Variants in NALF1 observed in about 807,000 individuals in gnomAD.
NALF1 encodes NALCN channel auxiliary factor 1.
A neutral mutation model predicts 48.4 loss-of-function variants in NALF1; 3 were observed. The observed-to-expected ratio is 0.06, with a 90% CI of 0.03 to 0.16. The LOEUF (loss-of-function observed/expected upper bound fraction) is 0.16. NALF1 is among the 10% of genes least tolerant of loss of function. NALF1 has a pLI of 1.00. For missense variants in NALF1, 526 were observed against 571.5 expected, an observed-to-expected ratio of 0.92 and a Z score of 0.81; for synonymous variants, 262 against 245.7, an observed-to-expected ratio of 1.07 and a Z score of -0.62.
intron 1 of NALF1, among the ~76,000 whole-genome samples, chr13:107,231,439 C>T (rs556535207): frequency 2.0e-5 from 3 of 152,128 alleles, no homozygotes; most frequent in East Asian, 1.9e-4. Context: ...TGGTATATTT[C>T]CCCCAACCCG....
chr13:107,697,255 T>C (rs1318069179), intron 1 of NALF1, among the ~76,000 whole-genome samples: 1 of 152,092 alleles, frequency 6.6e-6, no homozygotes, highest in Non-Finnish European at 1.5e-5. Context: ...AGGACACATA[T>C]GTATAAAAGA....
intron 1 of NALF1, among the ~76,000 whole-genome samples, chr13:107,438,168 G>A (rs1189952416): frequency 6.6e-6 from 1 of 152,034 alleles, no homozygotes; most frequent in Non-Finnish European, 1.5e-5. Flanking sequence ...GAGAATTCTA[G>A]AAATACTCAC....
chr13:107,637,424 C>A (rs1326251582), intron 1 of NALF1, among the ~76,000 whole-genome samples: 1 of 152,108 alleles, frequency 6.6e-6, no homozygotes, highest in Non-Finnish European at 1.5e-5. Context: ...AAGGTACTTC[C>A]TTCCAAAAAG....
At chr13:107,768,677 A>G (rs1464012486) in intron 1 of NALF1, among the ~76,000 whole-genome samples, 1 of 152,220 alleles carries the variant, frequency 6.6e-6, no homozygotes, top group African/African-American at 2.4e-5. Context: ...TAATACTACC[A>G]ATAACATTAA....
At chr13:107,198,630 G>A (rs1879443166) in intron 2 of NALF1, among the ~76,000 whole-genome samples, 1 of 152,140 alleles carries the variant, frequency 6.6e-6, no homozygotes, top group African/African-American at 2.4e-5. Flanking sequence ...AAACTTAAAG[G>A]CATTGCTCAG....
intron 1 of NALF1, among the ~76,000 whole-genome samples, chr13:107,650,492 A>G (rs560298836): frequency 3.9e-5 from 6 of 152,108 alleles, no homozygotes; most frequent in African/African-American, 1.4e-4. Context: ...AGGGAAAACC[A>G]AACATCGTAT....
At chr13:107,180,828 G>A (rs867907476) in intron 2 of NALF1, among the ~76,000 whole-genome samples, 10 of 151,812 alleles carry the variant, frequency 6.6e-5, no homozygotes, top group East Asian at 5.8e-4. Flanking sequence ...TATTTTAACC[G>A]TCTAGGATAG....
At chr13:107,442,358 G>C (rs1041860908) in intron 1 of NALF1, among the ~76,000 whole-genome samples, 1 of 152,132 alleles carries the variant, frequency 6.6e-6, no homozygotes, top group Non-Finnish European at 1.5e-5. Context: ...ATTATGTTTT[G>C]CATAAATAAA....
intron 1 of NALF1, among the ~76,000 whole-genome samples, chr13:107,727,117 C>T (rs1876180737): frequency 6.6e-6 from 1 of 151,898 alleles, no homozygotes; most frequent in Non-Finnish European, 1.5e-5. Flanking sequence ...CAAGAGACTG[C>T]CCATGGTAGT....
intron 1 of NALF1, among the ~76,000 whole-genome samples, chr13:107,721,311 C>T (rs1409904155): frequency 2.0e-5 from 3 of 152,132 alleles, no homozygotes; most frequent in Non-Finnish European, 2.9e-5. Context: ...CAGCACCCAG[C>T]AACAAGGAAT....
At chr13:107,263,665 G>A (rs1319210429) in intron 1 of NALF1, among the ~76,000 whole-genome samples, 4 of 152,104 alleles carry the variant, frequency 2.6e-5, no homozygotes, top group African/African-American at 9.7e-5. Flanking sequence ...TGTAAGACGT[G>A]CCTTTTACCT....
intron 1 of NALF1, among the ~76,000 whole-genome samples, chr13:107,816,180 C>G (rs974548115): frequency 2.6e-5 from 4 of 152,202 alleles, no homozygotes; most frequent in African/African-American, 9.6e-5. Context: ...TCACCCAACA[C>G]AGCAGAATGA....
At chr13:107,717,891 G>A (rs1010584524) in intron 1 of NALF1, among the ~76,000 whole-genome samples, 5 of 151,872 alleles carry the variant, frequency 3.3e-5, no homozygotes, top group African/African-American at 1.2e-4. Context: ...TTTTTTCTTC[G>A]CCAAGTAATT....
At chr13:107,329,866 C>A (rs1183291075) in intron 1 of NALF1, among the ~76,000 whole-genome samples, 1 of 152,106 alleles carries the variant, frequency 6.6e-6, no homozygotes, top group Non-Finnish European at 1.5e-5. Flanking sequence ...AGCTACTTTT[C>A]CAGAGAAAGA....
chr13:107,200,945 C>T (rs1241093721), intron 2 of NALF1, among the ~76,000 whole-genome samples: 1 of 152,172 alleles, frequency 6.6e-6, no homozygotes, highest in African/African-American at 2.4e-5. Context: ...ACCTTAAGGA[C>T]CCTGGAGCTG....
rs752144298 is a variant in NALF1 at position 107,374,627 on chromosome 13, G to A, written c.916-163872C>T. ...TGGACCTAGAGGCTGAGGCTGTGCC[G>A]TAGTTTCACTAGCAATACCACGATG... On this transcript the variant is annotated intron_variant, in intron 1 of 2. Transcript: ENST00000375915. 4.6e-5 allele frequency among the ~76,000 whole-genome samples: 7 copies of A among 152,218 alleles called. No homozygotes were observed. In the East Asian group the frequency reaches 5.8e-4, roughly 13 times the overall value.
At chr13:107,392,010 C>G (rs1883635372) in intron 1 of NALF1, among the ~76,000 whole-genome samples, 1 of 152,062 alleles carries the variant, frequency 6.6e-6, no homozygotes, top group Admixed American at 6.6e-5. Context: ...TCCTTTGCAT[C>G]TCAAAGTCAT....
chr13:107,558,364 C>A (rs925374401), intron 1 of NALF1, among the ~76,000 whole-genome samples: 1 of 151,926 alleles, frequency 6.6e-6, no homozygotes, highest in African/African-American at 2.4e-5. Context: ...TTCAATAGCA[C>A]AAAAATTATC....
At chr13:107,423,298 G>A (rs963839702) in intron 1 of NALF1, among the ~76,000 whole-genome samples, 1 of 152,192 alleles carries the variant, frequency 6.6e-6, no homozygotes. Flanking sequence ...GGTCAGGAAT[G>A]CTGGGAAAAA....
Sources: gnomAD v4.1 joint callset for allele counts (sites outside exome capture counted in the v4.1 genomes callset) on GRCh38, gnomAD v4.1.1 for gene constraint, MANE v1.5 for transcripts, NCBI Gene and HGNC (gene_info 2026-07-23, HGNC 2026-07-21) for gene names.